Variants in TMEM74 observed in about 807,000 individuals in gnomAD.
TMEM74 encodes the protein transmembrane protein 74.
In TMEM74, 13 loss-of-function variants were observed where a neutral mutation model predicts 18.1. The observed-to-expected ratio is 0.72, with a 90% CI of 0.47 to 1.14. TMEM74 has a LOEUF of 1.14. Ranked by LOEUF, TMEM74 falls within the 50% of genes most tolerant of loss-of-function variation. The pLI, the probability that TMEM74 is intolerant of heterozygous loss-of-function variation, is 0.00. For missense variants in TMEM74, 372 were observed against 375.9 expected (o/e 0.99, Z 0.09); for synonymous variants, 159 against 146.6 (o/e 1.08, Z -0.61).
intron 2 of TMEM74, among the ~76,000 whole-genome samples, chr8:108,644,591 C>T (rs1812697628): frequency 6.6e-6 from 1 of 152,076 alleles, no homozygotes; most frequent in South Asian, 2.1e-4. Flanking sequence ...AAAACATTTG[C>T]AAACTATGCA....
At chr8:108,712,251 C>A (rs149181722) in intron 1 of TMEM74, among the ~76,000 whole-genome samples, 1 of 152,258 alleles carries the variant, frequency 6.6e-6, no homozygotes, top group African/African-American at 2.4e-5. Context: ...CCAATGCCAA[C>A]TCTTTAGGGA....
At chr8:108,663,967 A>G (rs1035071102) in intron 1 of TMEM74, among the ~76,000 whole-genome samples, 1 of 152,090 alleles carries the variant, frequency 6.6e-6, no homozygotes, top group African/African-American at 2.4e-5. Context: ...CAGGTTGAGC[A>G]GAGGGAGGGA....
chr8:108,781,250 A>G lies in TMEM74; in HGVS notation c.*2931T>C, dbSNP rs1288409630. Among the ~76,000 whole-genome samples the G allele has an allele frequency of 1.3e-5, 2 of 152,224 alleles. No homozygotes were observed. Among genetic ancestry groups the G allele is most frequent in the Non-Finnish European group, 2.9e-5 (2 of 68,032 alleles). ...TAACAACCAGCACCATATTGAAGAGACAGACGGAAGGTCACAAATCTCCAT... is the reference window on the plus strand; with the variant it reads ...TAACAACCAGCACCATATTGAAGAGGCAGACGGAAGGTCACAAATCTCCAT... On this transcript the variant is annotated 3_prime_UTR_variant, in exon 2 of 2. Transcript: ENST00000297459.
At chr8:108,661,724 G>A (rs1389497846) in intron 1 of TMEM74, among the ~76,000 whole-genome samples, 1 of 152,066 alleles carries the variant, frequency 6.6e-6, no homozygotes, top group Non-Finnish European at 1.5e-5. Context: ...CTAAATCAAT[G>A]TCTGATTCCA....
At chr8:108,671,301 T>C (rs1586254927) in intron 1 of TMEM74, among the ~76,000 whole-genome samples, 2 of 152,254 alleles carry the variant, frequency 1.3e-5, no homozygotes, top group Middle Eastern at 6.8e-3. Context: ...AATATCTTGG[T>C]TTTCTATGTG....
chr8:108,777,154 T>C (rs1253790447), downstream of TMEM74, among the ~76,000 whole-genome samples: 3 of 152,212 alleles, frequency 2.0e-5, no homozygotes, highest in Non-Finnish European at 4.4e-5. Flanking sequence ...TCAGATGTCA[T>C]TACAAGAGTA....
intron 2 of TMEM74, among the ~76,000 whole-genome samples, chr8:108,644,040 A>G (rs909727357): frequency 2.4e-4 from 36 of 152,160 alleles, no homozygotes. Context: ...GCCTAAGTAG[A>G]CAAAGCAATC....
At chr8:108,647,625 T>C (rs1173104340) in intron 2 of TMEM74, among the ~76,000 whole-genome samples, 1 of 152,134 alleles carries the variant, frequency 6.6e-6, no homozygotes, top group East Asian at 1.9e-4. Flanking sequence ...TGAAACTCTA[T>C]AATCAGAGTT....
intron 2 of TMEM74, among the ~76,000 whole-genome samples, chr8:108,633,769 T>C (rs1174210860): frequency 6.6e-6 from 1 of 152,030 alleles, no homozygotes; most frequent in Non-Finnish European, 1.5e-5. Flanking sequence ...TAATGGATCT[T>C]AGCCATGTTC....
rs1428336955 is a variant in TMEM74, at chr8:108,779,893, G to T, written c.*4288C>A. Among the ~76,000 whole-genome samples the T allele has an allele frequency of 6.6e-6, 1 of 152,074 alleles. No individual in the cohort carries two copies. The highest frequency in any genetic ancestry group is 6.6e-5 in the Admixed American group (1 of 15,252). ...GCTTTTTACAGTGTCAATTCACTAG[G>T]CAGGCAAATTATTTCCCAAGACTTA... On this transcript the variant is annotated 3_prime_UTR_variant, in exon 2 of 2. Transcript: ENST00000297459.
chr8:108,720,464 C>T (rs778580529), intron 1 of TMEM74, among the ~76,000 whole-genome samples: 7 of 152,150 alleles, frequency 4.6e-5, no homozygotes, highest in Non-Finnish European at 2.9e-5. Flanking sequence ...TATTCACTGG[C>T]GTGCCTTTCT....
intron 1 of TMEM74, among the ~76,000 whole-genome samples, chr8:108,767,493 T>C (rs1273069527): frequency 6.6e-6 from 1 of 152,210 alleles, no homozygotes; most frequent in Non-Finnish European, 1.5e-5. Context: ...TTTGAGAACA[T>C]TTCTGTAGCT....
intron 1 of TMEM74, among the ~76,000 whole-genome samples, chr8:108,681,088 T>A (rs990913470): frequency 5.3e-5 from 8 of 152,208 alleles, no homozygotes; most frequent in Admixed American, 4.6e-4. Flanking sequence ...ATGGCCATAC[T>A]GCCCAAGGTA....
At chr8:108,761,636 CA>C (rs1280362295) in intron 1 of TMEM74, among the ~76,000 whole-genome samples, 3 of 151,952 alleles carry the variant, frequency 2.0e-5, no homozygotes, top group Non-Finnish European at 2.9e-5. Flanking sequence ...AAGCCACAGG[CA>C]AAAATATGTT....
chr8:108,732,601 C>T (rs1423186532), intron 1 of TMEM74, among the ~76,000 whole-genome samples: 1 of 151,850 alleles, frequency 6.6e-6, no homozygotes, highest in Non-Finnish European at 1.5e-5. Context: ...AAATAATTTT[C>T]AACAGAGTCA....
intron 1 of TMEM74, among the ~76,000 whole-genome samples, chr8:108,731,210 C>T (rs1408213895): frequency 6.6e-6 from 1 of 151,516 alleles, no homozygotes; most frequent in South Asian, 2.1e-4. Context: ...TATTTCATGT[C>T]GTTATCCACC....
chr8:108,716,364 CA>C (rs1304286474), intron 1 of TMEM74, among the ~76,000 whole-genome samples: 1 of 151,904 alleles, frequency 6.6e-6, no homozygotes, highest in Non-Finnish European at 1.5e-5. Context: ...TTAACGAATT[CA>C]AAAACTCTTT....
intron 1 of TMEM74, among the ~76,000 whole-genome samples, chr8:108,698,777 C>T (rs1187445316): frequency 1.3e-5 from 2 of 152,112 alleles, no homozygotes; most frequent in African/African-American, 4.8e-5. Flanking sequence ...TAGTGCTTTC[C>T]AAACTATGGT....
chr8:108,642,846 T>C (rs1367390295), intron 2 of TMEM74, among the ~76,000 whole-genome samples: 1 of 152,192 alleles, frequency 6.6e-6, no homozygotes, highest in Non-Finnish European at 1.5e-5. Flanking sequence ...TGAAAAGTTA[T>C]TAAATTCATT....
Sources: gnomAD v4.1 joint callset for allele counts (sites outside exome capture counted in the v4.1 genomes callset) on GRCh38, gnomAD v4.1.1 for gene constraint, MANE v1.5 for transcripts, NCBI Gene and HGNC (gene_info 2026-07-23, HGNC 2026-07-21) for gene names.